Variants in SUSD4 observed in about 807,000 individuals in gnomAD.
SUSD4 encodes the protein sushi domain-containing protein 4.
In SUSD4, 41 loss-of-function variants were observed where a neutral mutation model predicts 50.5. The ratio of observed to expected loss-of-function variants is 0.81; its 90% CI spans 0.63 to 1.05. The LOEUF is 1.05. Among genes scored for constraint, SUSD4 ranks in the 50% least tolerant of loss-of-function variants. The probability of loss-of-function intolerance (pLI) is 0.00; values close to 1 mark genes in which losing one functional copy is unlikely to be tolerated. For missense variants in SUSD4, 580 were observed against 634.7 expected, an observed-to-expected ratio of 0.91 and a Z score of 0.93; for synonymous variants, 257 against 257.3, an observed-to-expected ratio of 1.00 and a Z score of 0.01.
At chr1:223,291,079 T>G (rs1220425438) in intron 3 of SUSD4, among the ~76,000 whole-genome samples, 1 of 152,160 alleles carries the variant, frequency 6.6e-6, no homozygotes, top group Non-Finnish European at 1.5e-5. Context: ...ATTATATTTA[T>G]TATGGCTTTT....
At chr1:223,272,259 G>A (rs1030806802) in intron 3 of SUSD4, among the ~76,000 whole-genome samples, 3 of 152,160 alleles carry the variant, frequency 2.0e-5, no homozygotes, top group East Asian at 1.9e-4. Flanking sequence ...TAGAACTTAC[G>A]TGTATGAGGC....
chr1:223,250,319 A>G (rs2103040241), intron 5 of SUSD4, among the ~76,000 whole-genome samples: 1 of 152,364 alleles, frequency 6.6e-6, no homozygotes, highest in South Asian at 2.1e-4. Flanking sequence ...GCTACATTAC[A>G]GGCCAGTGAG....
At chr1:223,348,277 C>A (rs1668154210) in intron 2 of SUSD4, among the ~76,000 whole-genome samples, 1 of 152,128 alleles carries the variant, frequency 6.6e-6, no homozygotes, top group Non-Finnish European at 1.5e-5. Context: ...TGGAATATTT[C>A]TCATTCTGCT....
At chr1:223,258,015 G>C (rs902392993) in intron 5 of SUSD4, among the ~76,000 whole-genome samples, 4 of 152,178 alleles carry the variant, frequency 2.6e-5, no homozygotes, top group African/African-American at 9.6e-5. Flanking sequence ...CACCCCCTTT[G>C]AGTGTCCCCT....
intron 2 of SUSD4, among the ~76,000 whole-genome samples, chr1:223,357,540 A>G (rs1406342649): frequency 6.6e-6 from 1 of 152,174 alleles, no homozygotes; most frequent in African/African-American, 2.4e-5. Context: ...CTTCTTCTAT[A>G]TAATAAGGAT....
intron 2 of SUSD4, among the ~76,000 whole-genome samples, chr1:223,343,759 A>G (rs1212508598): frequency 6.6e-6 from 1 of 152,200 alleles, no homozygotes; most frequent in East Asian, 1.9e-4. Flanking sequence ...TGCTTTTAAT[A>G]AGGGAAAAAG....
intron 2 of SUSD4, among the ~76,000 whole-genome samples, chr1:223,358,092 G>A (rs1347506368): frequency 1.3e-5 from 2 of 152,122 alleles, no homozygotes; most frequent in South Asian, 2.1e-4. Flanking sequence ...ATTTTAAATC[G>A]AATTTAAAAT....
Position 223,268,680 on chromosome 1 carries a change from A to G in SUSD4, c.362-5T>C. 6.2e-7 allele frequency: 1 copy of G among 1,607,546 alleles called. No individual in the cohort carries two copies. The highest frequency in any genetic ancestry group is 1.1e-5 in the South Asian group (1 of 89,494). On this transcript the variant is annotated splice_region_variant and splice_polypyrimidine_tract_variant and intron_variant, in intron 3 of 8. Coordinates refer to ENST00000366878, the MANE Select transcript of SUSD4 (RefSeq NM_017982.4). The stretch of plus-strand genomic sequence containing the variant: ...CGATTTGAGGGATACGGCAATCTGC[A>G]ATTTTGTAAAAGGTACACATTATTT...
intron 2 of SUSD4, among the ~76,000 whole-genome samples, chr1:223,302,884 GA>G (rs1665281725): frequency 6.6e-6 from 1 of 152,156 alleles, no homozygotes; most frequent in Non-Finnish European, 1.5e-5. Flanking sequence ...CATTAATAAG[GA>G]AACGTGATTG....
intron 2 of SUSD4, among the ~76,000 whole-genome samples, chr1:223,353,695 G>A (rs1263894272): frequency 6.6e-5 from 10 of 152,274 alleles, no homozygotes; most frequent in East Asian, 3.9e-4. Flanking sequence ...ATCTGTATCC[G>A]GAGGGCTGAG....
rs201044345 is a variant in SUSD4, at chr1:223,334,688, T to A, written c.148+28590A>T. ...AATGCCTTCAAAATTATGAGGGAAA[T>A]TTTTTAAAATTTTTTATTTCCGTAG... On this transcript the variant is annotated intron_variant, in intron 2 of 8. Coordinates refer to ENST00000366878, the MANE Select transcript of SUSD4 (RefSeq NM_017982.4). Among the ~76,000 whole-genome samples, 1,096 of 152,200 alleles carry A rather than the reference T, an allele frequency of 7.2e-3. 34 individuals are homozygous for A. In the East Asian group the frequency reaches 0.11, roughly 15 times the overall value.
intron 2 of SUSD4, among the ~76,000 whole-genome samples, chr1:223,312,091 T>C (rs1665911168): frequency 6.6e-6 from 1 of 152,206 alleles, no homozygotes; most frequent in Non-Finnish European, 1.5e-5. Context: ...GTTCGGTTCA[T>C]GAATGGTTCT....
intron 2 of SUSD4, among the ~76,000 whole-genome samples, chr1:223,312,864 C>T (rs780181757): frequency 2.0e-5 from 3 of 152,108 alleles, no homozygotes; most frequent in Non-Finnish European, 4.4e-5. Context: ...TCATTTCCAG[C>T]GTAGGAACAC....
intron 5 of SUSD4, among the ~76,000 whole-genome samples, chr1:223,259,962 CA>C (rs1263744375): frequency 1.6e-4 from 24 of 152,140 alleles, no homozygotes; most frequent in African/African-American, 5.8e-4. Flanking sequence ...GTGAGATGTT[CA>C]GAACTTTCTC....
chr1:223,328,935 C>G (rs559551560), intron 2 of SUSD4, among the ~76,000 whole-genome samples: 2 of 152,310 alleles, frequency 1.3e-5, no homozygotes, highest in Non-Finnish European at 2.9e-5. Flanking sequence ...GCACCATTCT[C>G]CATCCACAAG....
In SUSD4 at chr1:223,221,586, C is replaced by G. The variant is rs559249541; in HGVS notation, c.*606G>C. The G allele has an allele frequency of 1.3e-5, 2 of 154,544 alleles. No homozygotes were observed. Among genetic ancestry groups the G allele is most frequent in the African/African-American group, 4.8e-5 (2 of 41,670 alleles). The allele number at this position is 154,544 out of a possible 1,614,324, so 9.6% of individuals were successfully genotyped here. A position where few individuals can be genotyped will look rare whatever the true frequency, so the allele number is the denominator to read the frequency against. ...TCTTTCCTTTCCTTTCTCACTGCAA[C>G]TGCCACATCCTGCTTTCGTCTTGCT... On this transcript the variant is annotated 3_prime_UTR_variant, in exon 9 of 9. Coordinates refer to ENST00000366878, the MANE Select transcript of SUSD4 (RefSeq NM_017982.4).
At chr1:223,352,620 C>A (rs765920826) in intron 2 of SUSD4, among the ~76,000 whole-genome samples, 1 of 152,104 alleles carries the variant, frequency 6.6e-6, no homozygotes, top group Non-Finnish European at 1.5e-5. Context: ...AGAGGATTTC[C>A]AGGCATTCCT....
rs754760773 is a variant in SUSD4 at position 223,223,628 on chromosome 1, C to G, written c.1065G>C (p.Gly355=). The G allele has an allele frequency of 3.1e-6, 5 of 1,600,674 alleles. No homozygotes were observed. The highest frequency in any genetic ancestry group is 4.3e-6 in the Non-Finnish European group (5 of 1,172,356). ...GGTCACTGCTGGAACTCCGGGGAGG[C>G]CCCCTGTGTAAAGGAAAGAAGTGCC... is the stretch of plus-strand genomic sequence containing the variant. The part of the protein sequence containing the change: ...TKFKAHFPPR[G]PPRSSSSDPD... The change falls in exon 8 of 9, where the codon GGG becomes GGC. Residue 355 remains glycine, a synonymous_variant. Transcript: ENST00000366878.
chr1:223,361,239 T>C (rs148221941), intron 2 of SUSD4, among the ~76,000 whole-genome samples: 77 of 152,298 alleles, frequency 5.1e-4, no homozygotes, highest in Middle Eastern at 3.4e-3. Context: ...ATGAACTCTA[T>C]AGGACATCCC....
Sources: gnomAD v4.1 joint callset for allele counts (sites outside exome capture counted in the v4.1 genomes callset) on GRCh38, gnomAD v4.1.1 for gene constraint, MANE v1.5 for transcripts, NCBI Gene and HGNC (gene_info 2026-07-23, HGNC 2026-07-21) for gene names.